UPF2: variants seen among roughly 807,000 people sequenced by gnomAD.
UPF2 encodes UPF2 regulator of nonsense mediated mRNA decay.
UPF2 carries 17 observed loss-of-function variants against 141.4 expected under a neutral mutation model. The ratio of observed to expected loss-of-function variants is 0.12; its 90% CI spans 0.08 to 0.18. UPF2 has a LOEUF of 0.18. Among genes scored for constraint, UPF2 ranks in the 10% least tolerant of loss-of-function variants. UPF2 has a pLI of 1.00. For synonymous variants in UPF2, 540 were observed against 498.0 expected, an observed-to-expected ratio of 1.08 and a Z score of -1.12; for missense variants, 1,152 against 1,515.9, an observed-to-expected ratio of 0.76 and a Z score of 3.99.
chr10:11,935,594 G>A lies in UPF2; in HGVS notation c.3546+951C>T, dbSNP rs1354194530. Among the ~76,000 whole-genome samples the A allele has an allele frequency of 1.3e-5, 2 of 152,166 alleles. No individual in the cohort carries two copies. Among genetic ancestry groups the A allele is most frequent in the African/African-American group, 4.8e-5 (2 of 41,448 alleles). On this transcript the variant is annotated intron_variant, in intron 19 of 21. Transcript: ENST00000357604. This position sits in a 1 kb window ranked among gnomAD's most constrained non-coding sequence, Gnocchi z 4.9. ...GTTAAGATGTAAACAAATTTTTACA[G>A]AATTGACCTAAATACACCTAAAGGT...
intron 1 of UPF2, among the ~76,000 whole-genome samples, chr10:12,037,170 G>C (rs780929604): frequency 1.3e-5 from 2 of 151,550 alleles, no homozygotes; most frequent in East Asian, 1.9e-4. Flanking sequence ...CTGAAGTCTC[G>C]ACCTCGCAGG....
At chr10:12,007,222 C>A (rs546179680) in intron 4 of UPF2, among the ~76,000 whole-genome samples, 11 of 152,158 alleles carry the variant, frequency 7.2e-5, no homozygotes, top group African/African-American at 2.6e-4. Context: ...AATATCTCAC[C>A]TAAGTTAATG....
chr10:12,022,744 T>C (rs2131298339), intron 3 of UPF2, among the ~76,000 whole-genome samples: 1 of 152,296 alleles, frequency 6.6e-6, no homozygotes, highest in East Asian at 1.9e-4. Context: ...ACAACTCACC[T>C]GGAAGGAAAG....
In UPF2 at chr10:11,920,210, T is replaced by C. The variant is rs1832621769; in HGVS notation, c.*1088A>G. ...GCTAGAAAAAAAGATGTAATCAAGT[T>C]GTCGCATACAGATGTGCTCTCCGAC... On this transcript the variant is annotated 3_prime_UTR_variant, in exon 22 of 22. Coordinates refer to ENST00000357604, the MANE Select transcript of UPF2 (RefSeq NM_015542.4). 1 of 152,188 alleles carries C rather than the reference T, an allele frequency of 6.6e-6. No individual in the cohort carries two copies. The highest frequency in any genetic ancestry group is 2.4e-5 in the African/African-American group (1 of 41,442). 9.4% of individuals were successfully genotyped at this position (152,188 alleles called of 1,614,324 possible). A position where few individuals can be genotyped will look rare whatever the true frequency, so the allele number is the denominator to read the frequency against.
At chr10:12,018,243 T>TC (rs1834258535) in intron 3 of UPF2, among the ~76,000 whole-genome samples, 1 of 152,166 alleles carries the variant, frequency 6.6e-6, no homozygotes. Flanking sequence ...AGCCAACAAG[T>TC]CCGAGACCAA....
At chr10:12,020,246 T>A (rs1000562275) in intron 3 of UPF2, among the ~76,000 whole-genome samples, 5 of 151,578 alleles carry the variant, frequency 3.3e-5, no homozygotes, top group Admixed American at 6.6e-5. Flanking sequence ...AAAAAATAAA[T>A]TTTATTTTTT....
intron 9 of UPF2, among the ~76,000 whole-genome samples, chr10:11,972,073 A>C (rs1210099124): frequency 6.6e-6 from 1 of 151,850 alleles, no homozygotes; most frequent in Non-Finnish European, 1.5e-5. Context: ...CAAAAAAAAA[A>C]AAAAAAAAAC....
intron 5 of UPF2, among the ~76,000 whole-genome samples, chr10:12,003,705 C>T (rs1833988928): frequency 1.3e-5 from 2 of 152,122 alleles, no homozygotes. Flanking sequence ...GCAGGTGGAT[C>T]ACTTGAAGTC....
chr10:11,990,417 A>G (rs1487316996), intron 8 of UPF2, among the ~76,000 whole-genome samples: 1 of 152,240 alleles, frequency 6.6e-6, no homozygotes, highest in Non-Finnish European at 1.5e-5. Flanking sequence ...CAGAAACAAT[A>G]GCAAAAATAT....
rs1484995065 is a variant in UPF2 at position 12,004,683 on chromosome 10, C to T, written c.1351G>A (p.Glu451Lys). The change falls in exon 5 of 22, where the codon GAA becomes AAA. Residue 451 changes from glutamate to lysine, a missense_variant. Transcript: ENST00000357604. ...CATATACCACCTTCCAAGTCATATTCTCCAGGTTTACCAGGTGTGAATATA... is the reference window on the plus strand; with the variant it reads ...CATATACCACCTTCCAAGTCATATTTTCCAGGTTTACCAGGTGTGAATATA... ...IDIFTPGKPG[E>K]YDLEGGIWED... 1.9e-6 allele frequency: 3 copies of T among 1,613,724 alleles called. No homozygotes were observed. The African/African-American group carries it at 4.0e-5, about 22-fold the overall frequency.
intron 18 of UPF2, among the ~76,000 whole-genome samples, chr10:11,938,938 T>C (rs1253399958): frequency 7.4e-6 from 1 of 135,778 alleles, no homozygotes; most frequent in African/African-American, 2.7e-5. Context: ...AGTGGCACAG[T>C]CTCAGCTCAC....
At position 11,938,867 on chromosome 10, in the gene UPF2, T is replaced by G. The variant is rs1047705641; in HGVS notation, c.3379-2155A>C. Among the ~76,000 whole-genome samples, 48 of 103,382 alleles carry G rather than the reference T, an allele frequency of 4.6e-4. 2 individuals carry two copies. Among genetic ancestry groups the G allele is most frequent in the Admixed American group, 4.0e-3 (36 of 9,040 alleles). The allele number at this position is 103,382 out of a possible 152,430, so 67.8% of individuals were successfully genotyped here. On this transcript the variant is annotated intron_variant, in intron 18 of 21. Transcript: ENST00000357604. Reference sequence around the variant, plus strand: ...GTTTTTTTTTTGTTTTTTTTTTTTTTTTTTTTTTTTTTTTTGGAGACGGAG... The same window carrying G: ...GTTTTTTTTTTGTTTTTTTTTTTTTGTTTTTTTTTTTTTTTGGAGACGGAG...
intron 8 of UPF2, among the ~76,000 whole-genome samples, chr10:11,983,082 A>C (rs1169521160): frequency 6.6e-6 from 1 of 152,230 alleles, no homozygotes; most frequent in Non-Finnish European, 1.5e-5. Flanking sequence ...GCAGGTGCTC[A>C]ATATATACAT....
Position 12,016,690 on chromosome 10 carries a change from T to TA in UPF2, c.1146-2507dup, listed in dbSNP as rs144308396. Among the ~76,000 whole-genome samples, 83 of 135,236 alleles carry TA rather than the reference T, an allele frequency of 6.1e-4. No homozygotes were observed. The highest frequency in any genetic ancestry group is 1.2e-3 in the African/African-American group (42 of 36,222). The allele number at this position is 135,236 out of a possible 152,430, so 88.7% of individuals were successfully genotyped here. ...GCCTGGGCGACAGAGCAAGACTGTC[T>TA]AAAAAAAAAAAGAAAAAGAAGTAAG... is the stretch of plus-strand genomic sequence containing the variant. On this transcript the variant is annotated intron_variant, in intron 3 of 21. Transcript: ENST00000357604. The surrounding 1 kb of genome is among the most constrained non-coding windows in gnomAD (Gnocchi z 4.1).
intron 10 of UPF2, among the ~76,000 whole-genome samples, chr10:11,965,600 C>T (rs1044964109): frequency 4.6e-5 from 7 of 152,126 alleles, no homozygotes; most frequent in Non-Finnish European, 1.0e-4. Context: ...GCTGGGACTA[C>T]AGGTGCCTGC....
intron 19 of UPF2, among the ~76,000 whole-genome samples, chr10:11,932,368 T>G (rs1832793158): frequency 6.6e-6 from 1 of 152,072 alleles, no homozygotes; most frequent in Non-Finnish European, 1.5e-5. Context: ...TATAAAACAT[T>G]ATAAAGAAAA....
chr10:12,040,003 C>G (rs916778419), intron 1 of UPF2, among the ~76,000 whole-genome samples: 3 of 152,156 alleles, frequency 2.0e-5, no homozygotes, highest in African/African-American at 7.2e-5. Flanking sequence ...CTGACAAATT[C>G]ACAAAGATCA....
rs1268295748 is a variant in UPF2, at chr10:11,942,679, G to A, written c.3364C>T (p.Leu1122=). 1 of 1,613,654 alleles carries A rather than the reference G, an allele frequency of 6.2e-7. No homozygotes were observed. The highest frequency in any genetic ancestry group is 1.7e-5 in the Admixed American group (1 of 60,014). The change falls in exon 18 of 22, where the codon CTA becomes TTA. Residue 1122 remains leucine (L), a synonymous_variant. Coordinates refer to ENST00000357604, the MANE Select transcript of UPF2 (RefSeq NM_015542.4). ...ACATTTAATACCTGTAGATTTTCTA[G>A]CATCATTTTATCCAGAGCTTGAATG... ...DFIQALDKMM[L]ENLQQRSGES... is the part of the protein sequence containing the mutation.
At chr10:11,971,816 C>T (rs903695257) in intron 9 of UPF2, among the ~76,000 whole-genome samples, 12 of 152,024 alleles carry the variant, frequency 7.9e-5, no homozygotes, top group East Asian at 3.9e-4. Flanking sequence ...ATAATCCCAG[C>T]GCTTTGGGAG....
Sources: allele counts gnomAD v4.1 joint callset (sites outside exome capture counted in the v4.1 genomes callset), GRCh38; gene constraint gnomAD v4.1.1; non-coding constraint Gnocchi (gnomAD v3.1); transcripts MANE v1.5; gene names NCBI Gene and HGNC (gene_info 2026-07-23, HGNC 2026-07-21).